Variants in GCNT4 observed in about 807,000 individuals in gnomAD.
The protein encoded by GCNT4 is beta-1,3-galactosyl-O-glycosyl-glycoprotein beta-1,6-N-acetylglucosaminyltransferase 4.
Under a neutral mutation model 31.3 loss-of-function variants are expected in GCNT4, and 17 were observed. The observed-to-expected ratio is 0.54, with a 90% CI of 0.37 to 0.81. GCNT4 has a LOEUF of 0.81. Ranked by LOEUF, GCNT4 falls within the 40% of genes least tolerant of loss-of-function variation. The pLI is 0.00. For missense variants in GCNT4, 503 were observed against 525.5 expected, an observed-to-expected ratio of 0.96 and a Z score of 0.42; for synonymous variants, 158 against 190.6, an observed-to-expected ratio of 0.83 and a Z score of 1.41.
chr5:75,019,173 G>A, the GCNT4 span, among the ~76,000 whole-genome samples: 2 of 152,162 alleles, frequency 1.3e-5, no homozygotes, highest in African/African-American at 4.8e-5. Context: ...CCATAAATGG[G>A]ATTAGTGCCC....
chr5:75,044,135 C>T (rs1342233080), intron 3 of GCNT4, among the ~76,000 whole-genome samples: 1 of 152,152 alleles, frequency 6.6e-6, no homozygotes, highest in Admixed American at 6.5e-5. Context: ...AAGGTCACCT[C>T]GCAGGTGGGC....
intron 3 of GCNT4, among the ~76,000 whole-genome samples, chr5:75,032,872 G>GGTGGGTGGGTGTGTGTGTGTGTGT (rs55942109): frequency 7.7e-6 from 1 of 130,646 alleles, no homozygotes; most frequent in Non-Finnish European, 1.7e-5. Context: ...CCCAAATAGG[G>GGTGGGTGGGTGTGTGTGTGTGTGT]GTGTGTGTGT....
chr5:75,052,044 G>C (rs963969836), intron 2 of GCNT4, 125 bp downstream of exon 2: 1 of 152,090 alleles, frequency 6.6e-6, no homozygotes, highest in South Asian at 2.1e-4. Flanking sequence ...ACTTCCTTAA[G>C]AGACTATCAA....
At chr5:75,041,976 A>G (rs534067909) in intron 3 of GCNT4, among the ~76,000 whole-genome samples, 1 of 152,360 alleles carries the variant, frequency 6.6e-6, no homozygotes, top group South Asian at 2.1e-4. Flanking sequence ...ATTCTAAAAA[A>G]TATCAGAAGA....
Position 75,029,354 on chromosome 5 carries a change from C to A in GCNT4, c.684G>T (p.Gly228=). The stretch of plus-strand genomic sequence containing the variant: ...AATTTGACTTCAGGGGAAAATCTTG[C>A]CCACACAAGTTGATAACATATTTCC... ...IQWKYVINLC[G]QDFPLKSNFE... Residue 228 remains glycine (G), a synonymous_variant, in exon 4 of 4, where the codon GGG becomes GGT. Coordinates refer to ENST00000652361, the MANE Select transcript of GCNT4 (RefSeq NM_001366737.1). 6.2e-7 allele frequency: 1 copy of A among 1,614,126 alleles called. No individual in the cohort carries two copies.
downstream of GCNT4, among the ~76,000 whole-genome samples, chr5:75,024,888 T>C (rs1580233315): frequency 6.9e-6 from 1 of 144,872 alleles, no homozygotes; most frequent in East Asian, 2.0e-4. Flanking sequence ...GAGGCGGAGG[T>C]TGCAGTGAGC....
rs372633321 is a variant in GCNT4, at chr5:75,046,914, AT to A, written c.-2+982del. Among the ~76,000 whole-genome samples the A allele has an allele frequency of 1.1e-4, 17 of 152,358 alleles. No homozygotes were observed. The South Asian group carries it at 1.9e-3, about 17-fold the overall frequency. On this transcript the variant is annotated intron_variant, in intron 3 of 3. Transcript: ENST00000652361. Reference sequence around the variant, plus strand: ...GCAGGAGATGAAATCCTTAAGTGAAATGAGAAAGTTGACGGACAGTCTACTT... The same window carrying A: ...GCAGGAGATGAAATCCTTAAGTGAAAGAGAAAGTTGACGGACAGTCTACTT...
chr5:75,040,160 T>C (rs1743287877), intron 3 of GCNT4, among the ~76,000 whole-genome samples: 1 of 152,000 alleles, frequency 6.6e-6, no homozygotes, highest in Admixed American at 6.6e-5. Context: ...AGAAATAGCT[T>C]TTCCTCAGGT....
chr5:75,019,423 T>C, the GCNT4 span, among the ~76,000 whole-genome samples: 1 of 152,184 alleles, frequency 6.6e-6, no homozygotes, highest in Non-Finnish European at 1.5e-5. Flanking sequence ...TGGAATAAAA[T>C]ATTAATAGGC....
chr5:75,048,113 C>A (rs1327147415), intron 2 of GCNT4, 76 bp from the exon 3 acceptor site: 1 of 152,164 alleles, frequency 6.6e-6, no homozygotes, highest in Admixed American at 6.5e-5. Flanking sequence ...GCACTGATGA[C>A]AACTATTCCT....
At chr5:75,043,530 A>G (rs1167709797) in intron 3 of GCNT4, among the ~76,000 whole-genome samples, 1 of 152,142 alleles carries the variant, frequency 6.6e-6, no homozygotes, top group African/African-American at 2.4e-5. Context: ...GAGGTACGCC[A>G]TTTTGTTCTT....
intron 3 of GCNT4, among the ~76,000 whole-genome samples, chr5:75,045,606 C>T (rs549042046): frequency 6.6e-6 from 1 of 152,222 alleles, no homozygotes; most frequent in Non-Finnish European, 1.5e-5. Context: ...TGTACAAACA[C>T]CTGTTTGAAT....
intron 3 of GCNT4, among the ~76,000 whole-genome samples, chr5:75,034,669 T>C (rs1743156866): frequency 6.6e-6 from 1 of 152,352 alleles, no homozygotes; most frequent in East Asian, 1.9e-4. Context: ...GTGGAGTTTA[T>C]TGCCACATAG....
upstream of GCNT4, among the ~76,000 whole-genome samples, chr5:75,053,050 G>A (rs989939292): frequency 3.3e-5 from 5 of 151,926 alleles, no homozygotes; most frequent in Admixed American, 6.6e-5. Context: ...CTCCGCCCGC[G>A]AGCCCAGGAA....
chr5:75,050,582 C>G (rs966657780), intron 2 of GCNT4, among the ~76,000 whole-genome samples: 3 of 152,150 alleles, frequency 2.0e-5, no homozygotes, highest in Non-Finnish European at 4.4e-5. Flanking sequence ...TATGTGGCCA[C>G]TAGGGAAGCC....
intron 3 of GCNT4, among the ~76,000 whole-genome samples, chr5:75,033,069 CCT>C (rs1398539346): frequency 2.6e-5 from 4 of 152,150 alleles, no homozygotes; most frequent in Admixed American, 6.5e-5. Flanking sequence ...AGCACTTCCC[CCT>C]GACACCACAG....
intron 3 of GCNT4, among the ~76,000 whole-genome samples, chr5:75,036,774 A>G (rs7700462): frequency 0.034 from 5,246 of 152,294 alleles, 264 homozygotes; most frequent in African/African-American, 0.12. Flanking sequence ...CGTAGAATCA[A>G]TTCAAGGAAA....
intron 3 of GCNT4, among the ~76,000 whole-genome samples, chr5:75,037,981 A>T (rs977545753): frequency 2.0e-5 from 3 of 151,992 alleles, no homozygotes; most frequent in African/African-American, 7.2e-5. Flanking sequence ...AAAAGTCCAA[A>T]AACGAAAATA....
At chr5:75,047,254 T>C (rs1259192950) in intron 3 of GCNT4, among the ~76,000 whole-genome samples, 1 of 152,236 alleles carries the variant, frequency 6.6e-6, no homozygotes, top group South Asian at 2.1e-4. Context: ...ACTGAAAAAC[T>C]GTAGGAGTGC....
Sources: allele counts gnomAD v4.1 joint callset (sites outside exome capture counted in the v4.1 genomes callset), GRCh38; gene constraint gnomAD v4.1.1; transcripts MANE v1.5; gene names NCBI Gene and HGNC (gene_info 2026-07-23, HGNC 2026-07-21).